SMC4: variants seen among roughly 807,000 people sequenced by gnomAD.
The protein encoded by SMC4 is structural maintenance of chromosomes protein 4.
A neutral mutation model predicts 145.6 loss-of-function variants in SMC4; 87 were observed. The observed-to-expected ratio is 0.60, with a 90% CI of 0.50 to 0.71. SMC4 has a LOEUF of 0.71. Among genes scored for constraint, SMC4 ranks in the 30% least tolerant of loss-of-function variants. The probability of loss-of-function intolerance (pLI) is 0.00; values close to 1 mark genes in which losing one functional copy is unlikely to be tolerated. For missense variants in SMC4, 1,447 were observed against 1,537.1 expected (o/e 0.94, Z 0.98); for synonymous variants, 558 against 500.7 (o/e 1.11, Z -1.53).
In SMC4 at chr3:160,424,927, CAG is replaced by C; in HGVS notation, c.2388_2389del (p.Lys797SerfsTer4). 1.2e-6 allele frequency: 2 copies of C among 1,613,778 alleles called. No homozygotes were observed. The highest frequency in any genetic ancestry group is 1.7e-6 in the Non-Finnish European group (2 of 1,179,958). ...TAAAAAAGCAATGCAAATCCAAGAA[CAG>C]AAAGTACAACTTGAAGAAAGAGTAG... The part of the protein sequence containing the change: ...DSKKAMQIQE[Q>X]KVQLEERVVK... On this transcript the variant is annotated frameshift_variant, in exon 16 of 24. Transcript: ENST00000357388. LOFTEE classifies it high-confidence loss of function.
chr3:160,431,885 C>G (rs1348807755), intron 21 of SMC4, 60 bp downstream of exon 21: 13 of 1,498,596 alleles, frequency 8.7e-6, no homozygotes, highest in Non-Finnish European at 1.1e-5. Flanking sequence ...AGCCTAAATT[C>G]TGATCTTTAG....
In SMC4 at chr3:160,423,473, ACTC is replaced by A. The variant is rs768737448; in HGVS notation, c.2072_2074del (p.Pro691del). 1.9e-6 allele frequency: 3 copies of A among 1,610,448 alleles called. No homozygotes were observed. The highest frequency in any genetic ancestry group is 1.3e-5 in the African/African-American group (1 of 74,364). ...GACCGAAATTCAAACTCCTGAAAATACTCCTCGTTTATTTGATTTAGTAAAAGT... is the reference window on the plus strand; with the variant it reads ...GACCGAAATTCAAACTCCTGAAAATACTCGTTTATTTGATTTAGTAAAAGT... On this transcript the variant is annotated inframe_deletion, in exon 14 of 24. Transcript: ENST00000357388.
Position 160,432,523 on chromosome 3 carries a change from A to C in SMC4, c.3530+8A>C, listed in dbSNP as rs748495892. The C allele has an allele frequency of 6.6e-7, 1 of 1,525,858 alleles. No individual in the cohort carries two copies. Among genetic ancestry groups the C allele is most frequent in the Non-Finnish European group, 8.9e-7 (1 of 1,120,694 alleles). The allele number at this position is 1,525,858 out of a possible 1,614,324, so 94.5% of individuals were successfully genotyped here. A position where few individuals can be genotyped will look rare whatever the true frequency, so the allele number is the denominator to read the frequency against. On this transcript the variant is annotated splice_region_variant and intron_variant, in intron 22 of 23. Transcript: ENST00000357388. The stretch of plus-strand genomic sequence containing the variant: ...TGAAGGAATCATGTTCAGGTGTGTA[A>C]TTATGCTGAGTTTATAATCCCACTG...
In SMC4 at chr3:160,431,067, T is replaced by C. The variant is rs1024096966; in HGVS notation, c.2976T>C (p.Asn992=). 2.5e-6 allele frequency: 4 copies of C among 1,606,808 alleles called. No homozygotes were observed. Among genetic ancestry groups the C allele is most frequent in the Admixed American group, 3.4e-5 (2 of 58,000 alleles). The change falls in exon 20 of 24, where the codon AAT becomes AAC. Residue 992 remains asparagine (N), a synonymous_variant. Coordinates refer to ENST00000357388, the MANE Select transcript of SMC4 (RefSeq NM_001002800.3). ...CAGAGATCCAGAAAGAACATCGCAA[T>C]CTGCTTCAAGAATTAAAAGTTATTC... The part of the protein sequence containing the change: ...SLPEIQKEHR[N]LLQELKVIQE...
intron 3 of SMC4, 29 bp from the exon 4 acceptor site, chr3:160,402,647 C>T (rs370410534): frequency 2.1e-4 from 325 of 1,584,086 alleles, no homozygotes; most frequent in Non-Finnish European, 2.6e-4. Context: ...TGAACTTTTC[C>T]GTGTTTTGTT....
At position 160,432,301 on chromosome 3, in the gene SMC4, CG is replaced by C; in HGVS notation, c.3319del (p.Val1107Ter). On this transcript the variant is annotated frameshift_variant, in exon 22 of 24. Transcript: ENST00000357388. LOFTEE classifies it high-confidence loss of function. Reference sequence around the variant, plus strand: ...TTCACAGGAAGAATTGTATTTGCAACGGGTAGCAGAATTGGACAAAATTACT... The same window carrying C: ...TTCACAGGAAGAATTGTATTTGCAACGGTAGCAGAATTGGACAAAATTACT... ...YKKKEELYLQ[R>X]VAELDKITYE... 1 of 1,602,294 alleles carries C rather than the reference CG, an allele frequency of 6.2e-7. No homozygotes were observed. Among genetic ancestry groups the C allele is most frequent in the Non-Finnish European group, 8.5e-7 (1 of 1,175,890 alleles).
At position 160,404,238 on chromosome 3, in the gene SMC4, T is replaced by C. The variant is rs1715050013; in HGVS notation, c.511-90T>C. 4 of 1,193,342 alleles carry C rather than the reference T, an allele frequency of 3.4e-6. No homozygotes were observed. The African/African-American group carries it at 6.3e-5, about 19-fold the overall frequency. 73.9% of individuals were successfully genotyped at this position (1,193,342 alleles called of 1,614,324 possible). ...CAATTGAAGTTTTTAATCCATAGAA[T>C]TAGTTTCAGTATGAAATGAGTGAAT... On this transcript the variant is annotated intron_variant, in intron 4 of 23. Coordinates refer to ENST00000357388, the MANE Select transcript of SMC4 (RefSeq NM_001002800.3).
At chr3:160,407,070 G>A (rs1346365602) in intron 5 of SMC4, among the ~76,000 whole-genome samples, 1 of 152,084 alleles carries the variant, frequency 6.6e-6, no homozygotes, top group Admixed American at 6.5e-5. Context: ...TATAAATTAG[G>A]GGTGCTTTTG....
At chr3:160,424,614 C>G (rs1717567792) in intron 15 of SMC4, among the ~76,000 whole-genome samples, 1 of 152,100 alleles carries the variant, frequency 6.6e-6, no homozygotes, top group African/African-American at 2.4e-5. Flanking sequence ...CAAGACCAGC[C>G]TGGCCAACAT....
intron 5 of SMC4, among the ~76,000 whole-genome samples, chr3:160,407,999 TAAA>T (rs2108456898): frequency 6.6e-6 from 1 of 152,180 alleles, no homozygotes; most frequent in Non-Finnish European, 1.5e-5. Context: ...TGGAGGAAGA[TAAA>T]GAACACTAAT....
chr3:160,411,854 A>C, intron 5 of SMC4, 66 bp from the exon 6 acceptor site: 3 of 1,390,368 alleles, frequency 2.2e-6, no homozygotes, highest in South Asian at 1.3e-5. Flanking sequence ...ACTGCTCCCA[A>C]TTCTCACTTA....
chr3:160,400,898 C>T lies in SMC4; in HGVS notation c.72C>T (p.Asp24=), dbSNP rs895818689. 2.7e-6 allele frequency: 4 copies of T among 1,505,100 alleles called. No homozygotes were observed. Among genetic ancestry groups the T allele is most frequent in the Middle Eastern group, 2.1e-4 (1 of 4,706 alleles). 93.2% of individuals were successfully genotyped at this position (1,505,100 alleles called of 1,614,324 possible). ...AAGGGCCGCCGCCGCCGTCCCCTGA[C>T]GGCGCCAGCAGCGACGCGGAGCCTG... ...REEGPPPPSP[D]GASSDAEPEP... The change falls in exon 2 of 24, where the codon GAC becomes GAT. Residue 24 remains aspartate, a synonymous_variant. Coordinates refer to ENST00000357388, the MANE Select transcript of SMC4 (RefSeq NM_001002800.3).
In SMC4 at chr3:160,426,157, A is replaced by G. The variant is rs774965346; in HGVS notation, c.2562A>G (p.Lys854=). 6 of 1,611,092 alleles carry G rather than the reference A, an allele frequency of 3.7e-6. No individual in the cohort carries two copies. The African/African-American group carries it at 6.7e-5, about 18-fold the overall frequency. Residue 854 remains lysine (K), a synonymous_variant, in exon 17 of 24, where the codon AAA becomes AAG. Coordinates refer to ENST00000357388, the MANE Select transcript of SMC4 (RefSeq NM_001002800.3). ...TACTTGCTACAGCCCCTGACAAAAAAAAGCAGAAATTGCTAGAAGAAAACG... is the reference window on the plus strand; with the variant it reads ...TACTTGCTACAGCCCCTGACAAAAAGAAGCAGAAATTGCTAGAAGAAAACG... ...ANVLATAPDK[K]KQKLLEENVS...
intron 5 of SMC4, among the ~76,000 whole-genome samples, chr3:160,410,918 T>A (rs1715925506): frequency 6.6e-6 from 1 of 152,228 alleles, no homozygotes; most frequent in Non-Finnish European, 1.5e-5. Flanking sequence ...TTTGCTATTT[T>A]GTTGAAAATA....
chr3:160,401,060 A>G (rs1285960871), intron 2 of SMC4, 95 bp downstream of exon 2: 1 of 1,328,616 alleles, frequency 7.5e-7, no homozygotes, highest in Admixed American at 4.2e-5. Context: ...TTGAGCGCGG[A>G]GTTGACATCT....
intron 5 of SMC4, among the ~76,000 whole-genome samples, chr3:160,406,551 A>G (rs1344187312): frequency 1.3e-5 from 2 of 152,300 alleles, no homozygotes; most frequent in East Asian, 1.9e-4. Flanking sequence ...GAAATTGGAA[A>G]CAGCATCGTA....
chr3:160,431,923 C>G, intron 21 of SMC4, 98 bp downstream of exon 21: 1 of 1,293,240 alleles, frequency 7.7e-7, no homozygotes, highest in Non-Finnish European at 1.1e-6. Context: ...TGCTGTTGGC[C>G]GGGCGTGGTG....
rs1381788667 is a variant in SMC4, at chr3:160,411,992, T to G, written c.760T>G (p.Leu254Val). ...ACACGATGAGGGTATGCTTGAATAT[T>G]TAGAAGATATAATTGGTTGTGGACG... ...TEHDEGMLEY[L>V]EDIIGCGRLN... is the part of the protein sequence containing the mutation. Residue 254 changes from leucine to valine, a missense_variant, in exon 6 of 24, where the codon TTA (leucine) becomes GTA (valine). Coordinates refer to ENST00000357388, the MANE Select transcript of SMC4 (RefSeq NM_001002800.3). 3 of 1,613,702 alleles carry G rather than the reference T, an allele frequency of 1.9e-6. No individual in the cohort carries two copies. The highest frequency in any genetic ancestry group is 2.5e-6 in the Non-Finnish European group (3 of 1,179,786).
chr3:160,412,002 T>C lies in SMC4; in HGVS notation c.770T>C (p.Ile257Thr), dbSNP rs1716040924. 4 of 1,613,660 alleles carry C rather than the reference T, an allele frequency of 2.5e-6. No individual in the cohort carries two copies. Among genetic ancestry groups the C allele is most frequent in the Non-Finnish European group, 3.4e-6 (4 of 1,179,768 alleles). ...GGTATGCTTGAATATTTAGAAGATATAATTGGTTGTGGACGGCTAAATGAA... is the reference window on the plus strand; with the variant it reads ...GGTATGCTTGAATATTTAGAAGATACAATTGGTTGTGGACGGCTAAATGAA... ...DEGMLEYLED[I>T]IGCGRLNEPI... The change falls in exon 6 of 24, where the codon ATA (isoleucine) becomes ACA (threonine). Residue 257 changes from isoleucine to threonine, a missense_variant. Ile to Thr is a moderately conservative substitution (Grantham distance 89, BLOSUM62 -1). Coordinates refer to ENST00000357388, the MANE Select transcript of SMC4 (RefSeq NM_001002800.3).
Sources: allele counts gnomAD v4.1 joint callset (sites outside exome capture counted in the v4.1 genomes callset), GRCh38; gene constraint gnomAD v4.1.1; transcripts MANE v1.5; gene names NCBI Gene and HGNC (gene_info 2026-07-23, HGNC 2026-07-21).